Variants in TRIM71 observed in about 807,000 individuals in gnomAD.
TRIM71 encodes E3 ubiquitin-protein ligase TRIM71.
TRIM71 carries 9 observed loss-of-function variants against 61.2 expected under a neutral mutation model. That is an observed-to-expected ratio of 0.15 (90% CI 0.09 to 0.26). The LOEUF is 0.26. Ranked by LOEUF, TRIM71 falls within the 10% of genes least tolerant of loss-of-function variation. TRIM71 has a pLI of 1.00. For synonymous variants in TRIM71, 645 were observed against 553.2 expected (o/e 1.17, Z -2.33); for missense variants, 998 against 1,238.7 (o/e 0.81, Z 2.92).
In TRIM71 at chr3:32,886,060, C is replaced by A; in HGVS notation, c.1147C>A (p.Leu383Met). The change falls in exon 3 of 4, where the codon CTG (leucine) becomes ATG (methionine). Residue 383 changes from leucine (L) to methionine (M), a missense_variant. Leu to Met is a conservative substitution (Grantham distance 15). Around this residue, in one of 5 missense-constraint regions of TRIM71, gnomAD observed 291 missense variants for 431.2 expected, o/e 0.67. Coordinates refer to ENST00000383763, the MANE Select transcript of TRIM71 (RefSeq NM_001039111.3). ...KALEERECEL[L>M]WKVEKIRQVK... ...CCTGGAGGAACGCGAGTGTGAGCTG[C>A]TGTGGAAGGTAACAGGGAGAGCTCC... is the stretch of plus-strand genomic sequence containing the variant. 1 of 1,612,818 alleles carries A rather than the reference C, an allele frequency of 6.2e-7. No individual in the cohort carries two copies. The highest frequency in any genetic ancestry group is 8.5e-7 in the Non-Finnish European group (1 of 1,179,410).
chr3:32,866,763 G>C (rs756865326), intron 1 of TRIM71, among the ~76,000 whole-genome samples: 18 of 152,120 alleles, frequency 1.2e-4, no homozygotes, highest in Non-Finnish European at 2.5e-4. Flanking sequence ...GCAGTGTTTT[G>C]GAAGTCTTGT....
chr3:32,859,120 G>A (rs867991280), intron 1 of TRIM71, among the ~76,000 whole-genome samples: 2 of 152,106 alleles, frequency 1.3e-5, no homozygotes, highest in South Asian at 2.1e-4. Flanking sequence ...CGAACAGCAC[G>A]CTTGAGCATC....
intron 1 of TRIM71, among the ~76,000 whole-genome samples, chr3:32,864,093 C>T (rs1273780856): frequency 4.0e-5 from 6 of 151,690 alleles, no homozygotes; most frequent in Admixed American, 6.6e-5. Flanking sequence ...TTGATTGAGG[C>T]AGGGTTTCTG....
intron 1 of TRIM71, among the ~76,000 whole-genome samples, chr3:32,851,728 C>T (rs555429559): frequency 1.9e-4 from 29 of 152,290 alleles, no homozygotes; most frequent in African/African-American, 6.7e-4. Flanking sequence ...GTCTGCCTGC[C>T]TTGGCCTCCC....
chr3:32,878,940 C>G (rs367672125), intron 2 of TRIM71, among the ~76,000 whole-genome samples: 1 of 152,216 alleles, frequency 6.6e-6, no homozygotes, highest in South Asian at 2.1e-4. Context: ...CAGGCTGTCT[C>G]CTTCTAATAA....
rs935660346 is a variant in TRIM71, at chr3:32,886,285, C to T, written c.1155+217C>T. Among the ~76,000 whole-genome samples the T allele has an allele frequency of 2.0e-5, 3 of 152,184 alleles. No homozygotes were observed. The South Asian group carries it at 6.2e-4, about 32-fold the overall frequency. On this transcript the variant is annotated intron_variant, in intron 3 of 3. Transcript: ENST00000383763. Reference sequence around the variant, plus strand: ...ACAACAAGAAGCCTTTTCAGAAGTACGTGGGTAACCAAGACTGGAAGCGGT... The same window carrying T: ...ACAACAAGAAGCCTTTTCAGAAGTATGTGGGTAACCAAGACTGGAAGCGGT...
intron 1 of TRIM71, among the ~76,000 whole-genome samples, chr3:32,855,656 G>T (rs1034214793): frequency 2.6e-5 from 4 of 152,174 alleles, no homozygotes; most frequent in African/African-American, 9.7e-5. Flanking sequence ...CAGAATGAAG[G>T]TTCATCTTCA....
rs769421964 is a variant in TRIM71 at position 32,818,865 on chromosome 3, G to A, written c.785G>A (p.Gly262Asp). 6.2e-7 allele frequency: 1 copy of A among 1,612,300 alleles called. No homozygotes were observed. Among genetic ancestry groups the A allele is most frequent in the Admixed American group, 1.7e-5 (1 of 59,892 alleles). Reference sequence around the variant, plus strand: ...CTCGGGCTCGGGCCGCCCTTTCCCGGCCCGCCCTTCTCCATCCTCTCAGTG... The same window carrying A: ...CTCGGGCTCGGGCCGCCCTTTCCCGACCCGCCCTTCTCCATCCTCTCAGTG... ...QQLGLGPPFPGPPFSILSVFP... is the reference protein window; with the variant it reads ...QQLGLGPPFPDPPFSILSVFP... The change falls in exon 1 of 4, where the codon GGC (glycine) becomes GAC (aspartate). Residue 262 changes from glycine to aspartate, a missense_variant. Gly to Asp is a moderately conservative substitution (Grantham distance 94, BLOSUM62 -1). Transcript: ENST00000383763.
chr3:32,855,738 G>C (rs971799760), intron 1 of TRIM71, among the ~76,000 whole-genome samples: 1 of 152,152 alleles, frequency 6.6e-6, no homozygotes, highest in African/African-American at 2.4e-5. Context: ...ATCTCAGAGA[G>C]ACCCCAGTAT....
chr3:32,839,154 G>C (rs1696374020), intron 1 of TRIM71, among the ~76,000 whole-genome samples: 1 of 152,076 alleles, frequency 6.6e-6, no homozygotes, highest in Non-Finnish European at 1.5e-5. Flanking sequence ...AGTGGAGGGT[G>C]TTTCTTGTCA....
chr3:32,858,660 G>A (rs1451742255), intron 1 of TRIM71, among the ~76,000 whole-genome samples: 1 of 152,174 alleles, frequency 6.6e-6, no homozygotes, highest in Non-Finnish European at 1.5e-5. Flanking sequence ...GAAAGACTAA[G>A]GAAAGCCACG....
chr3:32,880,973 T>A (rs1035575127), intron 2 of TRIM71, among the ~76,000 whole-genome samples: 1 of 152,148 alleles, frequency 6.6e-6, no homozygotes, highest in Admixed American at 6.6e-5. Flanking sequence ...AATTTAGAGA[T>A]GAATTATAGA....
Position 32,891,841 on chromosome 3 carries a change from T to C in TRIM71, c.*30T>C, listed in dbSNP as rs1463974405. 6.3e-7 allele frequency: 1 copy of C among 1,591,116 alleles called. No homozygotes were observed. The highest frequency in any genetic ancestry group is 1.8e-5 in the Admixed American group (1 of 56,674). ...ATTTCCTAGGTTTCTGTGTTTGGGG[T>C]GTGTGTGCGTGTCTCTCTCTCTCTC... On this transcript the variant is annotated 3_prime_UTR_variant, in exon 4 of 4. Coordinates refer to ENST00000383763, the MANE Select transcript of TRIM71 (RefSeq NM_001039111.3). The surrounding 1 kb of genome is among the most constrained non-coding windows in gnomAD (Gnocchi z 8.2).
Position 32,818,384 on chromosome 3 carries a change from G to A in TRIM71, c.304G>A (p.Glu102Lys). The A allele has an allele frequency of 6.8e-7, 1 of 1,479,180 alleles. No homozygotes were observed. Among genetic ancestry groups the A allele is most frequent in the Non-Finnish European group, 8.9e-7 (1 of 1,119,724 alleles). The allele number at this position is 1,479,180 out of a possible 1,614,324, so 91.6% of individuals were successfully genotyped here. The change falls in exon 1 of 4, where the codon GAG becomes AAG. Residue 102 changes from glutamate to lysine, a missense_variant. This residue lies in a region of TRIM71 where 527 missense variants were observed against 427.8 expected (regional missense o/e 1.23). Coordinates refer to ENST00000383763, the MANE Select transcript of TRIM71 (RefSeq NM_001039111.3). Reference protein sequence around the residue: ...PVCDQKVVLAEAAGMDALPSS... With the variant: ...PVCDQKVVLAKAAGMDALPSS... Reference sequence around the variant, plus strand: ...GTGCGACCAGAAAGTAGTGCTAGCCGAGGCGGCGGGTATGGACGCGCTGCC... The same window carrying A: ...GTGCGACCAGAAAGTAGTGCTAGCCAAGGCGGCGGGTATGGACGCGCTGCC...
chr3:32,881,942 G>C (rs1201508300), intron 2 of TRIM71, among the ~76,000 whole-genome samples: 4 of 152,204 alleles, frequency 2.6e-5, no homozygotes, highest in Non-Finnish European at 5.9e-5. Flanking sequence ...CATGCTTGCT[G>C]ATTATTAAAA....
At chr3:32,863,964 T>C (rs1696702431) in intron 1 of TRIM71, among the ~76,000 whole-genome samples, 1 of 152,240 alleles carries the variant, frequency 6.6e-6, no homozygotes, top group South Asian at 2.1e-4. Context: ...ATTACAGGCA[T>C]GAGCCACCAC....
At chr3:32,869,041 A>G (rs572575897) in intron 1 of TRIM71, among the ~76,000 whole-genome samples, 2 of 152,344 alleles carry the variant, frequency 1.3e-5, no homozygotes, top group African/African-American at 4.8e-5. Context: ...GACTTATTTC[A>G]TGGCTAGATT....
At chr3:32,883,589 T>G (rs887877867) in intron 2 of TRIM71, among the ~76,000 whole-genome samples, 4 of 152,238 alleles carry the variant, frequency 2.6e-5, no homozygotes, top group Admixed American at 1.3e-4. Context: ...CTTAATCTAC[T>G]ATAACCTCAT....
intron 1 of TRIM71, among the ~76,000 whole-genome samples, chr3:32,851,681 G>A (rs189177662): frequency 6.6e-6 from 1 of 152,176 alleles, no homozygotes; most frequent in African/African-American, 2.4e-5. Flanking sequence ...GCTTCACCAT[G>A]TTGGCCAGGC....
Sources: allele counts gnomAD v4.1 joint callset (sites outside exome capture counted in the v4.1 genomes callset), GRCh38; gene constraint gnomAD v4.1.1; regional missense constraint gnomAD v4.1.1; non-coding constraint Gnocchi (gnomAD v3.1); transcripts MANE v1.5; gene names NCBI Gene and HGNC (gene_info 2026-07-23, HGNC 2026-07-21).